WDR59: variants seen among roughly 807,000 people sequenced by gnomAD.
WDR59 encodes the protein WD repeat domain 59.
In WDR59, 100 loss-of-function variants were observed where a neutral mutation model predicts 131.2. The ratio of observed to expected loss-of-function variants is 0.76; its 90% confidence interval spans 0.65 to 0.90. The LOEUF (loss-of-function observed/expected upper bound fraction) is 0.90. WDR59 is among the 40% of genes least tolerant of loss of function. The pLI is 0.00. For missense variants in WDR59, 1,203 were observed against 1,262.2 expected (o/e 0.95, Z 0.71); for synonymous variants, 601 against 466.2 (o/e 1.29, Z -3.72).
Position 74,913,366 on chromosome 16 carries a change from A to T in WDR59, c.1225-1004T>A, listed in dbSNP as rs553687577. ...ACTGCAACCTCCACCTTCTGGGTTC[A>T]AGTGATTCTCCCACCTCAACCTCCC... On this transcript the variant is annotated intron_variant, in intron 13 of 25. Transcript: ENST00000262144. 2.0e-5 allele frequency among the ~76,000 whole-genome samples: 3 copies of T among 151,932 alleles called. No individual in the cohort carries two copies. In the South Asian group the frequency reaches 6.2e-4, roughly 32 times the overall value.
chr16:74,933,295 C>T (rs560517587), intron 8 of WDR59, among the ~76,000 whole-genome samples: 1 of 152,198 alleles, frequency 6.6e-6, no homozygotes, highest in Admixed American at 6.5e-5. Context: ...CAGTGAGATC[C>T]TGTCTCTAAA....
intron 18 of WDR59, among the ~76,000 whole-genome samples, chr16:74,895,009 A>T (rs1965225004): frequency 6.6e-6 from 1 of 152,184 alleles, no homozygotes; most frequent in African/African-American, 2.4e-5. Flanking sequence ...ATTTTCTGTA[A>T]GTGATTTTTA....
rs1261408217 is a variant in WDR59 at position 74,909,883 on chromosome 16, C to T, written c.1424G>A (p.Arg475His). ...LKDTALQKVK[R>H]GQSCLEPCLR... The stretch of plus-strand genomic sequence containing the variant: ...GCAGGGCTCCAGGCAGCTCTGGCCA[C>T]GCTTCACTTTCTGCAGGGCTGTGTC... The change falls in exon 15 of 26, where the codon CGT becomes CAT. Residue 475 changes from arginine to histidine, a missense_variant. Arg to His is a conservative substitution (Grantham distance 29). Coordinates refer to ENST00000262144, the MANE Select transcript of WDR59 (RefSeq NM_030581.4). 4 of 1,612,862 alleles carry T rather than the reference C, an allele frequency of 2.5e-6. No individual in the cohort carries two copies. Among genetic ancestry groups the T allele is most frequent in the South Asian group, 2.2e-5 (2 of 91,022 alleles).
At chr16:74,980,436 C>T (rs997334815) in intron 1 of WDR59, among the ~76,000 whole-genome samples, 3 of 150,230 alleles carry the variant, frequency 2.0e-5, no homozygotes, top group Non-Finnish European at 4.4e-5. Context: ...TCGCTGCAAC[C>T]TCCGCCTCCC....
chr16:74,980,504 C>T (rs1272099911), intron 1 of WDR59, among the ~76,000 whole-genome samples: 1 of 151,554 alleles, frequency 6.6e-6, no homozygotes, highest in African/African-American at 2.4e-5. Flanking sequence ...CAGGCACACG[C>T]CACCATGCCT....
At chr16:74,949,957 G>T in intron 4 of WDR59, 159 bp from the exon 5 acceptor site, 1 of 719,436 alleles carries the variant, frequency 1.4e-6, no homozygotes, top group Non-Finnish European at 2.5e-6. Flanking sequence ...CCTTGGGAAC[G>T]AACATGAGTT....
chr16:74,985,104 C>G lies in WDR59; in HGVS notation c.-87G>C. 5 of 1,337,586 alleles carry G rather than the reference C, an allele frequency of 3.7e-6. No individual in the cohort carries two copies. The highest frequency in any genetic ancestry group is 5.2e-6 in the Non-Finnish European group (5 of 956,870). The allele number at this position is 1,337,586 out of a possible 1,614,324, so 82.9% of individuals were successfully genotyped here. The stretch of plus-strand genomic sequence containing the variant: ...CCCGGGACCGTGCGCCCCACACAGC[C>G]AGAGAATCAGCCCCGACACGCCCCG... On this transcript the variant is annotated 5_prime_UTR_variant, in exon 1 of 26. Coordinates refer to ENST00000262144, the MANE Select transcript of WDR59 (RefSeq NM_030581.4).
rs779105142 is a variant in WDR59, at chr16:74,921,990, A to G, written c.843T>C (p.His281=). Residue 281 remains histidine (H), a synonymous_variant, in exon 10 of 26, where the codon CAT becomes CAC. Coordinates refer to ENST00000262144, the MANE Select transcript of WDR59 (RefSeq NM_030581.4). ...ACTGGAACTCCAGGACCACATCATC[A>G]TGCCCCACGAAGGTGTGGACTGGGG... The part of the protein sequence containing the change: ...LNTPVHTFVG[H]DDVVLEFQWR... 3 of 1,614,126 alleles carry G rather than the reference A, an allele frequency of 1.9e-6. No individual in the cohort carries two copies. Among genetic ancestry groups the G allele is most frequent in the Admixed American group, 1.7e-5 (1 of 60,012 alleles).
chr16:74,954,182 G>A (rs1331915288), intron 3 of WDR59, among the ~76,000 whole-genome samples: 1 of 152,148 alleles, frequency 6.6e-6, no homozygotes, highest in Non-Finnish European at 1.5e-5. Context: ...GCTGAGGTGG[G>A]TGGATCACCT....
intron 7 of WDR59, among the ~76,000 whole-genome samples, chr16:74,941,451 T>G (rs2032217010): frequency 6.6e-6 from 1 of 151,950 alleles, no homozygotes; most frequent in East Asian, 1.9e-4. Flanking sequence ...CCCAGCACTT[T>G]GGGAGGCCGA....
At position 74,948,996 on chromosome 16, in the gene WDR59, C is replaced by A. The variant is rs146882312; in HGVS notation, c.408-440G>T. Among the ~76,000 whole-genome samples the A allele has an allele frequency of 7.3e-3, 1,102 of 151,726 alleles. 19 individuals are homozygous for A. The highest frequency in any genetic ancestry group is 0.025 in the African/African-American group (1,045 of 41,392). On this transcript the variant is annotated intron_variant, in intron 5 of 25. Coordinates refer to ENST00000262144, the MANE Select transcript of WDR59 (RefSeq NM_030581.4). ...CAGGACGACAAGAGCAAAACTCTGT[C>A]TCAGAAAAAAAGAAAGAAAGAAAGA...
intron 14 of WDR59, among the ~76,000 whole-genome samples, chr16:74,911,342 T>C (rs1383013175): frequency 6.6e-6 from 1 of 152,178 alleles, no homozygotes; most frequent in Non-Finnish European, 1.5e-5. Flanking sequence ...CTTAAGCCAC[T>C]TGAAAATTTC....
chr16:74,922,571 C>A (rs764394753), intron 9 of WDR59, among the ~76,000 whole-genome samples: 11 of 152,240 alleles, frequency 7.2e-5, no homozygotes, highest in East Asian at 3.9e-4. Flanking sequence ...TTCCCGCCCC[C>A]CCGGCACTGC....
intron 23 of WDR59, among the ~76,000 whole-genome samples, chr16:74,886,704 G>A (rs1964782122): frequency 6.6e-6 from 1 of 152,180 alleles, no homozygotes; most frequent in African/African-American, 2.4e-5. Context: ...CAGATCACCT[G>A]AGGTCAGAGG....
chr16:74,966,349 G>A (rs2033775191), intron 1 of WDR59, among the ~76,000 whole-genome samples: 1 of 151,958 alleles, frequency 6.6e-6, no homozygotes, highest in African/African-American at 2.4e-5. Flanking sequence ...GTGTTGTGGT[G>A]GACACCTGTA....
chr16:74,877,590 G>A lies in WDR59; in HGVS notation c.2690-3146C>T, dbSNP rs562500552. 1.5e-4 allele frequency among the ~76,000 whole-genome samples: 23 copies of A among 152,184 alleles called. No homozygotes were observed. The South Asian group carries it at 3.1e-3, about 21-fold the overall frequency. ...ACGAAGTCTCGCTCTTGTCACCCAGGCTGGAGTGCAATGGTGCGATCTCAG... is the reference window on the plus strand; with the variant it reads ...ACGAAGTCTCGCTCTTGTCACCCAGACTGGAGTGCAATGGTGCGATCTCAG... On this transcript the variant is annotated intron_variant, in intron 25 of 25. Transcript: ENST00000262144.
chr16:74,900,948 G>A (rs1965520075), intron 18 of WDR59, among the ~76,000 whole-genome samples: 1 of 152,172 alleles, frequency 6.6e-6, no homozygotes, highest in Non-Finnish European at 1.5e-5. Flanking sequence ...GTGAAACCAT[G>A]ATTAGCCGGG....
chr16:74,895,314 G>A (rs990821152), intron 18 of WDR59, among the ~76,000 whole-genome samples: 2 of 152,116 alleles, frequency 1.3e-5, no homozygotes, highest in Non-Finnish European at 2.9e-5. Context: ...TGAGGCTGGA[G>A]TGCAGTGGTG....
At chr16:74,956,444 G>A in intron 3 of WDR59, 31 bp downstream of exon 3, 1 of 1,607,178 alleles carries the variant, frequency 6.2e-7, no homozygotes. Flanking sequence ...ACATTTAACA[G>A]CATTCTCCTG....
Sources: gnomAD v4.1 joint callset for allele counts (sites outside exome capture counted in the v4.1 genomes callset) on GRCh38, gnomAD v4.1.1 for gene constraint, MANE v1.5 for transcripts, NCBI Gene and HGNC (gene_info 2026-07-23, HGNC 2026-07-21) for gene names.